MYO5B: variants seen among roughly 807,000 people sequenced by gnomAD.
MYO5B encodes unconventional myosin-Vb.
Under a neutral mutation model 229.3 loss-of-function variants are expected in MYO5B, and 143 were observed. The observed-to-expected ratio is 0.62, with a 90% CI of 0.54 to 0.72. MYO5B has a LOEUF of 0.72. Ranked by LOEUF, MYO5B falls within the 30% of genes least tolerant of loss-of-function variation. The pLI is 0.00. For synonymous variants in MYO5B, 918 were observed against 885.2 expected, an observed-to-expected ratio of 1.04 and a Z score of -0.66; for missense variants, 2,321 against 2,331.0, an observed-to-expected ratio of 1.00 and a Z score of 0.09.
chr18:50,051,976 T>C, intron 2 of MYO5B, among the ~76,000 whole-genome samples: 1 of 152,210 alleles, frequency 6.6e-6, no homozygotes, highest in East Asian at 1.9e-4. Flanking sequence ...TAAATACCAC[T>C]GAGTTGCTGC....
chr18:50,040,154 T>A lies in MYO5B; in HGVS notation c.299A>T (p.Tyr100Phe). The stretch of plus-strand genomic sequence containing the variant: ...TGCCCCCCACTTACCACAGTAAGTG[T>A]AGATATGGTTGGACTCCAGGAAACG... Reference protein sequence around the residue: ...KVRFLESNHIYTYCGIVLVAI... With the variant: ...KVRFLESNHIFTYCGIVLVAI... The change falls in exon 3 of 40, where the codon TAC (tyrosine) becomes TTC (phenylalanine). Residue 100 changes from tyrosine to phenylalanine, a missense_variant. Transcript: ENST00000285039. 1 of 1,614,074 alleles carries A rather than the reference T, an allele frequency of 6.2e-7. No individual in the cohort carries two copies. The highest frequency in any genetic ancestry group is 1.3e-5 in the African/African-American group (1 of 74,998).
At position 49,875,465 on chromosome 18, in the gene MYO5B, A is replaced by G. The variant is rs2276171; in HGVS notation, c.3537+222T>C. 0.24 allele frequency among the ~76,000 whole-genome samples: 36,583 copies of G among 152,010 alleles called. 4,548 individuals are homozygous for G. Among genetic ancestry groups the G allele is most frequent in the East Asian group, 0.42 (2,165 of 5,162 alleles). Reference sequence around the variant, plus strand: ...CACAGACTTCCCCCTAGCTTCACCAACAGAAACCCGGGGCATGAGGGAGCT... The same window carrying G: ...CACAGACTTCCCCCTAGCTTCACCAGCAGAAACCCGGGGCATGAGGGAGCT... On this transcript the variant is annotated intron_variant, in intron 26 of 39. Transcript: ENST00000285039.
At chr18:50,082,643 A>G (rs967927963) in intron 1 of MYO5B, among the ~76,000 whole-genome samples, 41 of 152,308 alleles carry the variant, frequency 2.7e-4, no homozygotes, top group African/African-American at 9.6e-4. Context: ...TGGGACCTCA[A>G]TTCTATTCAT....
intron 17 of MYO5B, among the ~76,000 whole-genome samples, chr18:49,921,135 A>G (rs548896843): frequency 6.6e-6 from 1 of 152,044 alleles, no homozygotes; most frequent in African/African-American, 2.4e-5. Context: ...ATCTTATGCT[A>G]TTTACTCTTC....
intron 1 of MYO5B, among the ~76,000 whole-genome samples, chr18:50,174,059 CA>C (rs962871904): frequency 6.6e-6 from 1 of 152,076 alleles, no homozygotes; most frequent in Non-Finnish European, 1.5e-5. Flanking sequence ...CCAAATAGAA[CA>C]AAACGACAGA....
intron 1 of MYO5B, among the ~76,000 whole-genome samples, chr18:50,056,400 C>T (rs1384403771): frequency 6.6e-6 from 1 of 152,178 alleles, no homozygotes; most frequent in Non-Finnish European, 1.5e-5. Flanking sequence ...TGAATGGCAG[C>T]ATCTGGATCT....
At chr18:49,992,538 G>T in intron 5 of MYO5B, 107 bp from the exon 6 acceptor site, 1 of 1,493,300 alleles carries the variant, frequency 6.7e-7, no homozygotes, top group Non-Finnish European at 9.3e-7. Flanking sequence ...CTTACTTACA[G>T]AAACCCTCTG....
At chr18:50,135,160 CT>C (rs2032316520) in intron 1 of MYO5B, among the ~76,000 whole-genome samples, 1 of 152,212 alleles carries the variant, frequency 6.6e-6, no homozygotes, top group Non-Finnish European at 1.5e-5. Flanking sequence ...TGTATCCTGC[CT>C]CATATTCCTG....
chr18:49,972,108 G>A (rs2025698518), intron 10 of MYO5B, among the ~76,000 whole-genome samples: 1 of 152,138 alleles, frequency 6.6e-6, no homozygotes, highest in Non-Finnish European at 1.5e-5. Flanking sequence ...AGACACAGGT[G>A]AGGAGCTGGC....
At chr18:50,044,057 G>T (rs2030150363) in intron 2 of MYO5B, among the ~76,000 whole-genome samples, 2 of 152,050 alleles carry the variant, frequency 1.3e-5, no homozygotes, top group Non-Finnish European at 2.9e-5. Flanking sequence ...TTTAAAAAAA[G>T]CACGTGGAGG....
At chr18:50,120,985 G>A (rs2032049466) in intron 1 of MYO5B, among the ~76,000 whole-genome samples, 1 of 152,174 alleles carries the variant, frequency 6.6e-6, no homozygotes, top group Admixed American at 6.5e-5. Context: ...TCCAGCCCGG[G>A]AGTCAGCAAG....
intron 1 of MYO5B, among the ~76,000 whole-genome samples, chr18:50,056,850 A>G (rs1040684706): frequency 1.3e-5 from 2 of 151,964 alleles, no homozygotes; most frequent in Non-Finnish European, 2.9e-5. Flanking sequence ...GAATCAGAAT[A>G]CCAGTCAATG....
At chr18:49,859,368 G>C (rs557437484) in intron 29 of MYO5B, among the ~76,000 whole-genome samples, 25 of 152,364 alleles carry the variant, frequency 1.6e-4, no homozygotes, top group African/African-American at 6.0e-4. Context: ...TGGAAAAACA[G>C]GATCTATCAA....
At chr18:50,087,587 A>G (rs1275175961) in intron 1 of MYO5B, among the ~76,000 whole-genome samples, 1 of 151,692 alleles carries the variant, frequency 6.6e-6, no homozygotes, top group Non-Finnish European at 1.5e-5. Context: ...AAAAAAAAAA[A>G]AAGAATAAAA....
At chr18:49,893,474 A>T (rs1324039982) in intron 22 of MYO5B, among the ~76,000 whole-genome samples, 1 of 152,188 alleles carries the variant, frequency 6.6e-6, no homozygotes, top group Non-Finnish European at 1.5e-5. Context: ...AGACTTGTAG[A>T]CACATTTAAC....
At chr18:49,960,972 C>T (rs983082444) in intron 12 of MYO5B, among the ~76,000 whole-genome samples, 2 of 152,192 alleles carry the variant, frequency 1.3e-5, no homozygotes, top group Admixed American at 6.5e-5. Flanking sequence ...CTGGGTTGGA[C>T]ACAAGACATG....
At chr18:49,929,928 C>T (rs2025171469) in intron 16 of MYO5B, among the ~76,000 whole-genome samples, 5 of 152,158 alleles carry the variant, frequency 3.3e-5, no homozygotes, top group Admixed American at 3.3e-4. Context: ...CTCTCCAGAG[C>T]CTACTCTTAC....
intron 1 of MYO5B, 34 bp from the exon 2 acceptor site, chr18:50,055,412 G>C (rs536736960): frequency 1.3e-6 from 2 of 1,554,334 alleles, no homozygotes; most frequent in Non-Finnish European, 1.8e-6. Flanking sequence ...CTTAGATACA[G>C]AACAAAGCTC....
chr18:50,130,569 T>G (rs2032239961), intron 1 of MYO5B, among the ~76,000 whole-genome samples: 1 of 152,170 alleles, frequency 6.6e-6, no homozygotes, highest in Non-Finnish European at 1.5e-5. Context: ...ACGAGCAATA[T>G]CCACCCTACC....
Sources: allele counts gnomAD v4.1 joint callset (sites outside exome capture counted in the v4.1 genomes callset), GRCh38; gene constraint gnomAD v4.1.1; transcripts MANE v1.5; gene names NCBI Gene and HGNC (gene_info 2026-07-23, HGNC 2026-07-21).